ADK: variants seen among roughly 807,000 people sequenced by gnomAD.
The protein encoded by ADK is adenosine kinase, also known as N6,N6-dimethyladenosine kinase.
ADK carries 24 observed loss-of-function variants against 44.7 expected under a neutral mutation model. The observed-to-expected ratio is 0.54, with a 90% CI of 0.39 to 0.76. The LOEUF (loss-of-function observed/expected upper bound fraction) is 0.76. Ranked by LOEUF, ADK falls within the 30% of genes least tolerant of loss-of-function variation. The pLI is 0.00. For synonymous variants in ADK, 128 were observed against 142.6 expected (o/e 0.90, Z 0.73); for missense variants, 321 against 425.1 (o/e 0.76, Z 2.15).
chr10:74,662,504 C>T (rs1854771990), intron 9 of ADK, among the ~76,000 whole-genome samples: 1 of 152,184 alleles, frequency 6.6e-6, no homozygotes, highest in Non-Finnish European at 1.5e-5. Context: ...TGGTCTCAAA[C>T]TCCTGGGCTC....
intron 9 of ADK, among the ~76,000 whole-genome samples, chr10:74,657,441 A>G (rs1854528842): frequency 6.6e-6 from 1 of 152,262 alleles, no homozygotes; most frequent in African/African-American, 2.4e-5. Flanking sequence ...TACAAGTGTC[A>G]GAAATGCTAA....
intron 9 of ADK, among the ~76,000 whole-genome samples, chr10:74,617,556 C>A (rs140754319): frequency 6.6e-6 from 1 of 152,024 alleles, no homozygotes; most frequent in African/African-American, 2.4e-5. Context: ...ATTGACATAT[C>A]TTTTTAATGT....
intron 6 of ADK, among the ~76,000 whole-genome samples, chr10:74,478,174 A>C (rs1846928651): frequency 6.6e-6 from 1 of 152,160 alleles, no homozygotes; most frequent in Admixed American, 6.5e-5. Context: ...CTCCCAAAGC[A>C]CTGGGATTAT....
At chr10:74,619,012 T>TTGTGTGTGTGTGTGTGTGTG (rs56168944) in intron 9 of ADK, among the ~76,000 whole-genome samples, 3 of 139,382 alleles carry the variant, frequency 2.2e-5, no homozygotes, top group African/African-American at 8.1e-5. Context: ...TTTATGCTCT[T>TTGTGTGTGTGTGTGTGTGTG]TGTGTGTGTG....
chr10:74,163,468 T>G (rs1006670684), intron 1 of ADK, among the ~76,000 whole-genome samples: 4 of 152,242 alleles, frequency 2.6e-5, no homozygotes, highest in African/African-American at 9.6e-5. Context: ...GTTTGCAGTG[T>G]AATTAGAACT....
chr10:74,558,702 A>G (rs1250278922), intron 7 of ADK, among the ~76,000 whole-genome samples: 1 of 152,090 alleles, frequency 6.6e-6, no homozygotes, highest in African/African-American at 2.4e-5. Context: ...ACAGGCTAAT[A>G]CACTTGGTTT....
At chr10:74,183,123 TG>T (rs1329448977) in intron 1 of ADK, among the ~76,000 whole-genome samples, 1 of 152,126 alleles carries the variant, frequency 6.6e-6, no homozygotes, top group African/African-American at 2.4e-5. Flanking sequence ...TTTGTAGAGA[TG>T]GGGTTTAACC....
chr10:74,595,640 T>C (rs1233837591), intron 8 of ADK, among the ~76,000 whole-genome samples: 1 of 150,810 alleles, frequency 6.6e-6, no homozygotes, highest in Non-Finnish European at 1.5e-5. Context: ...TCTCCCAAAG[T>C]GGTGGGATTA....
chr10:74,299,882 A>C (rs927109804), intron 3 of ADK, among the ~76,000 whole-genome samples: 1 of 152,120 alleles, frequency 6.6e-6, no homozygotes, highest in Non-Finnish European at 1.5e-5. Context: ...GACTTGCCTG[A>C]CCACCCATCA....
chr10:74,448,801 G>A (rs573440207), intron 6 of ADK, among the ~76,000 whole-genome samples: 37 of 151,868 alleles, frequency 2.4e-4, no homozygotes, highest in Admixed American at 2.2e-3. Context: ...GTGTATACAT[G>A]TTATTTACAC....
rs1375230914 is a variant in ADK, at chr10:74,417,014, T to A, written c.555+18435T>A. ...TAAACTAAATTAAATTTTAAAAATA[T>A]TTTACTTACTAAAGTCAACTGATGT... On this transcript the variant is annotated intron_variant, in intron 6 of 10. Coordinates refer to ENST00000539909, the MANE Select transcript of ADK (RefSeq NM_006721.4). Among the ~76,000 whole-genome samples the A allele has an allele frequency of 3.3e-5, 5 of 152,064 alleles. No homozygotes were observed. In the South Asian group the frequency reaches 6.2e-4, roughly 19 times the overall value.
At chr10:74,448,441 C>T (rs1417601851) in intron 6 of ADK, among the ~76,000 whole-genome samples, 1 of 152,062 alleles carries the variant, frequency 6.6e-6, no homozygotes, top group African/African-American at 2.4e-5. Context: ...TTAAATGAAG[C>T]AGCATGTATA....
At chr10:74,286,205 A>T (rs550167292) in intron 3 of ADK, among the ~76,000 whole-genome samples, 1 of 152,124 alleles carries the variant, frequency 6.6e-6, no homozygotes, top group Non-Finnish European at 1.5e-5. Flanking sequence ...AGTGTGTGCC[A>T]CCACACCTGG....
rs1196574729 is a variant in ADK, at chr10:74,215,948, G to A, written c.141-8590G>A. On this transcript the variant is annotated intron_variant, in intron 2 of 10. Coordinates refer to ENST00000539909, the MANE Select transcript of ADK (RefSeq NM_006721.4). ...TGGGATTACAGGCGTGAGCCACCGC[G>A]CCTGGCCTAAATCACTCTTTTTAGT... Among the ~76,000 whole-genome samples, 5 of 152,048 alleles carry A rather than the reference G, an allele frequency of 3.3e-5. No individual in the cohort carries two copies. In the East Asian group the frequency reaches 5.8e-4, roughly 18 times the overall value.
At position 74,595,664 on chromosome 10, in the gene ADK, C is replaced by T. The variant is rs531895187; in HGVS notation, c.763-4715C>T. ...GTGGTGGGATTACAAGCGTGAGCTA[C>T]CGCGCCCATCGCCATATCAGTTCAA... On this transcript the variant is annotated intron_variant, in intron 8 of 10. Coordinates refer to ENST00000539909, the MANE Select transcript of ADK (RefSeq NM_006721.4). 9.1e-4 allele frequency among the ~76,000 whole-genome samples: 72 copies of T among 79,484 alleles called. 1 individual carries two copies. In the East Asian group the frequency reaches 0.019, roughly 21 times the overall value. 52.1% of individuals were successfully genotyped at this position (79,484 alleles called of 152,430 possible).
chr10:74,176,862 AG>A, intron 1 of ADK: 1 of 1,608,816 alleles, frequency 6.2e-7, no homozygotes, highest in Non-Finnish European at 8.5e-7. Context: ...GCTGGGCAGG[AG>A]GGCGAAGCCA....
intron 4 of ADK, among the ~76,000 whole-genome samples, chr10:74,375,985 GTTCTGT>G (rs1270309933): frequency 6.6e-6 from 1 of 151,378 alleles, no homozygotes; most frequent in Non-Finnish European, 1.5e-5. Context: ...CCTGAAAATG[GTTCTGT>G]TTTTATGCCA....
At chr10:74,263,981 A>T (rs1846131996) in intron 3 of ADK, among the ~76,000 whole-genome samples, 1 of 152,232 alleles carries the variant, frequency 6.6e-6, no homozygotes, top group South Asian at 2.1e-4. Flanking sequence ...TGCATATGTG[A>T]AAGATTCTTG....
chr10:74,263,615 C>G lies in ADK; in HGVS notation c.194+39024C>G, dbSNP rs576708760. Among the ~76,000 whole-genome samples, 5 of 152,202 alleles carry G rather than the reference C, an allele frequency of 3.3e-5. No homozygotes were observed. The South Asian group carries it at 1.0e-3, about 32-fold the overall frequency. The stretch of plus-strand genomic sequence containing the variant: ...AGTACATCTGGGGTTCTCTGTATAC[C>G]TGTCTTCAGCCCATTTTCTGTCTTA... On this transcript the variant is annotated intron_variant, in intron 3 of 10. Coordinates refer to ENST00000539909, the MANE Select transcript of ADK (RefSeq NM_006721.4).
Sources: gnomAD v4.1 joint callset for allele counts (sites outside exome capture counted in the v4.1 genomes callset) on GRCh38, gnomAD v4.1.1 for gene constraint, MANE v1.5 for transcripts, NCBI Gene and HGNC (gene_info 2026-07-23, HGNC 2026-07-21) for gene names.